Variants in MAP9 observed in about 807,000 individuals in gnomAD.
MAP9 encodes the protein microtubule associated protein 9, also known as microtubule-associated protein 9.
Under a neutral mutation model 75.2 loss-of-function variants are expected in MAP9, and 80 were observed. That is an observed-to-expected ratio of 1.06 (90% CI 0.89 to 1.28). MAP9 has a LOEUF of 1.28. MAP9 is among the 50% of genes most tolerant of loss of function. The pLI, the probability that MAP9 is intolerant of heterozygous loss-of-function variation, is 0.00. For synonymous variants in MAP9, 235 were observed against 237.3 expected (o/e 0.99, Z 0.09); for missense variants, 753 against 719.9 (o/e 1.05, Z -0.53).
intron 5 of MAP9, among the ~76,000 whole-genome samples, chr4:155,365,318 C>CATA (rs1294484441): frequency 6.6e-6 from 1 of 151,776 alleles, no homozygotes; most frequent in African/African-American, 2.4e-5. Context: ...ATGCTCAAAA[C>CATA]ATAATAATAA....
Position 155,360,154 on chromosome 4 carries a change from A to G in MAP9, c.1050+14T>C. On this transcript the variant is annotated intron_variant, in intron 7 of 13. Coordinates refer to ENST00000311277, the MANE Select transcript of MAP9 (RefSeq NM_001039580.2). ...TTAAGCTGTAGTATGAAAAGTATGA[A>G]TTTTTACAAATACCTTTGAAGATGC... is the stretch of plus-strand genomic sequence containing the variant. 6.2e-7 allele frequency: 1 copy of G among 1,601,388 alleles called. No homozygotes were observed. Among genetic ancestry groups the G allele is most frequent in the Non-Finnish European group, 8.5e-7 (1 of 1,170,598 alleles).
At chr4:155,367,346 C>A (rs1055086654) in intron 5 of MAP9, 1 of 152,138 alleles carries the variant, frequency 6.6e-6, no homozygotes, top group African/African-American at 2.4e-5. Context: ...CAGCTACAAG[C>A]CAAGGAATGC....
chr4:155,352,370 A>G (rs1294904487), intron 13 of MAP9: 4 of 382,340 alleles, frequency 1.0e-5, no homozygotes, highest in African/African-American at 6.4e-5. Context: ...GAAGAAGATT[A>G]TAACAAGTTT....
chr4:155,364,190 G>C (rs1210401340), intron 5 of MAP9, among the ~76,000 whole-genome samples: 1 of 151,990 alleles, frequency 6.6e-6, no homozygotes, highest in African/African-American at 2.4e-5. Flanking sequence ...CCTATAAAGA[G>C]CTGGAGGTAG....
chr4:155,365,968 G>A (rs981259950), intron 5 of MAP9, among the ~76,000 whole-genome samples: 5 of 152,038 alleles, frequency 3.3e-5, no homozygotes, highest in African/African-American at 1.2e-4. Context: ...GTACAAAGAA[G>A]AAAGTTTACA....
In MAP9 at chr4:155,347,911, G is replaced by A. The variant is rs74761550; in HGVS notation, c.1822-6C>T. On this transcript the variant is annotated splice_region_variant and splice_polypyrimidine_tract_variant and intron_variant, in intron 13 of 13. Coordinates refer to ENST00000311277, the MANE Select transcript of MAP9 (RefSeq NM_001039580.2). ...TCTTGTTTTTCCTTATTTTCCTAAA[G>A]AGAAAATAGAACACTATAAATTTAT... 1,874 of 1,444,646 alleles carry A rather than the reference G, an allele frequency of 1.3e-3. 29 individuals carry two copies. In the East Asian group the frequency reaches 0.036, roughly 28 times the overall value. The allele number at this position is 1,444,646 out of a possible 1,614,324, so 89.5% of individuals were successfully genotyped here. A position where few individuals can be genotyped will look rare whatever the true frequency, so the allele number is the denominator to read the frequency against.
rs1323521005 is a variant in MAP9, at chr4:155,357,436, G to A, written c.1121+13C>T. The A allele has an allele frequency of 8.6e-6, 13 of 1,504,714 alleles. No homozygotes were observed. Among genetic ancestry groups the A allele is most frequent in the South Asian group, 2.3e-5 (2 of 87,926 alleles). 93.2% of individuals were successfully genotyped at this position (1,504,714 alleles called of 1,614,324 possible). On this transcript the variant is annotated intron_variant, in intron 8 of 13. Transcript: ENST00000311277. ...GCAAGCCCATAAATGACAAATATTG[G>A]TAACTTTATTACCTGGCAGATGCAC...
At chr4:155,364,412 G>A (rs967711184) in intron 5 of MAP9, among the ~76,000 whole-genome samples, 1 of 149,248 alleles carries the variant, frequency 6.7e-6, no homozygotes, top group Non-Finnish European at 1.5e-5. Context: ...CCTAGAAATT[G>A]TATATGTATT....
rs201675489 is a variant in MAP9, at chr4:155,353,365, G to A, written c.1381-25C>T. Reference sequence around the variant, plus strand: ...TCTACAGTGGAAAAAATAATAGAGTGATATACATATATATGTATATATACA... The same window carrying A: ...TCTACAGTGGAAAAAATAATAGAGTAATATACATATATATGTATATATACA... On this transcript the variant is annotated intron_variant, in intron 10 of 13. Transcript: ENST00000311277. The A allele has an allele frequency of 3.1e-5, 47 of 1,524,836 alleles. No homozygotes were observed. In the East Asian group the frequency reaches 6.5e-4, roughly 21 times the overall value. The allele number at this position is 1,524,836 out of a possible 1,614,324, so 94.5% of individuals were successfully genotyped here.
rs949445445 is a variant in MAP9, at chr4:155,346,233, G to T, written c.*1550C>A. 6.6e-6 allele frequency: 1 copy of T among 152,102 alleles called. No homozygotes were observed. Among genetic ancestry groups the T allele is most frequent in the African/African-American group, 2.4e-5 (1 of 41,412 alleles). The allele number at this position is 152,102 out of a possible 1,614,324, so 9.4% of individuals were successfully genotyped here. A position where few individuals can be genotyped will look rare whatever the true frequency, so the allele number is the denominator to read the frequency against. ...AACTTGCTGAGTTTTCTGATATTCT[G>T]ATAGTAGTTATAAGATGCCTGAGTA... On this transcript the variant is annotated 3_prime_UTR_variant, in exon 14 of 14. Transcript: ENST00000311277.
In MAP9 at chr4:155,373,193, C is replaced by A; in HGVS notation, c.424G>T (p.Asp142Tyr). The A allele has an allele frequency of 1.3e-6, 2 of 1,596,576 alleles. No homozygotes were observed. Among genetic ancestry groups the A allele is most frequent in the African/African-American group, 1.3e-5 (1 of 74,216 alleles). ...SQNKDEEFEKDKIKMKPKPRI... is the reference protein window; with the variant it reads ...SQNKDEEFEKYKIKMKPKPRI... ...GGTTTAGGTTTCATTTTTATTTTGTCTTTTTCAAATTCCTCATCCTTATTT... is the reference window on the plus strand; with the variant it reads ...GGTTTAGGTTTCATTTTTATTTTGTATTTTTCAAATTCCTCATCCTTATTT... Residue 142 changes from aspartate to tyrosine, a missense_variant, in exon 4 of 14, where the codon GAC becomes TAC. Asp to Tyr is a radical substitution (Grantham distance 160, BLOSUM62 -3). Transcript: ENST00000311277.
intron 4 of MAP9, among the ~76,000 whole-genome samples, chr4:155,370,244 T>C (rs917185232): frequency 6.6e-6 from 1 of 152,082 alleles, no homozygotes; most frequent in Non-Finnish European, 1.5e-5. Context: ...GTCGGGTCCT[T>C]ATCCACTCTT....
At chr4:155,375,122 A>G in intron 2 of MAP9, 101 bp from the exon 3 acceptor site, 2 of 826,000 alleles carry the variant, frequency 2.4e-6, no homozygotes. Flanking sequence ...ACTGCTTTCA[A>G]ACTTAGGTTT....
intron 9 of MAP9, 53 bp from the exon 10 acceptor site, chr4:155,355,213 A>C (rs1321660750): frequency 7.0e-6 from 4 of 567,958 alleles, no homozygotes; most frequent in Non-Finnish European, 1.1e-5. Context: ...TAAGTGAATT[A>C]GAATTCTTTA....
chr4:155,356,000 C>T, intron 8 of MAP9, 116 bp from the exon 9 acceptor site: 1 of 912,474 alleles, frequency 1.1e-6, no homozygotes, highest in Non-Finnish European at 1.6e-6. Flanking sequence ...ATGGCTCACA[C>T]CTGTAATCCC....
chr4:155,349,384 C>T (rs1236441723), intron 13 of MAP9: 1 of 11,132 alleles, frequency 9.0e-5, no homozygotes, highest in Non-Finnish European at 2.0e-4. Flanking sequence ...CCTCAAGGAG[C>T]AGGAAAACCC....
At chr4:155,355,426 A>T (rs551250527) in intron 9 of MAP9, among the ~76,000 whole-genome samples, 21 of 152,308 alleles carry the variant, frequency 1.4e-4, no homozygotes, top group African/African-American at 5.0e-4. Context: ...AACTTCAAGA[A>T]GAAAAAAATG....
chr4:155,368,849 A>T (rs775097776), intron 4 of MAP9, 37 bp from the exon 5 acceptor site: 197 of 1,530,374 alleles, frequency 1.3e-4, no homozygotes, highest in Non-Finnish European at 2.0e-5. Context: ...TGTATAAAAA[A>T]ATGACCATGG....
chr4:155,350,319 C>T, intron 13 of MAP9: 1 of 408,278 alleles, frequency 2.4e-6, no homozygotes, highest in South Asian at 1.8e-5. Context: ...TATAGGTGTA[C>T]TATATTTGCA....
Sources: allele counts gnomAD v4.1 joint callset (sites outside exome capture counted in the v4.1 genomes callset), GRCh38; gene constraint gnomAD v4.1.1; transcripts MANE v1.5; gene names NCBI Gene and HGNC (gene_info 2026-07-23, HGNC 2026-07-21).